PFKP: variants seen among roughly 807,000 people sequenced by gnomAD.
PFKP encodes the protein phosphofructokinase, platelet, also known as ATP-dependent 6-phosphofructokinase, platelet type.
In PFKP, 101 loss-of-function variants were observed where a neutral mutation model predicts 94.3. That is an observed-to-expected ratio of 1.07 (90% confidence interval 0.91 to 1.26). PFKP has a LOEUF of 1.26. PFKP is among the 50% of genes most tolerant of loss of function. The pLI, the probability that PFKP is intolerant of heterozygous loss-of-function variation, is 0.00. For synonymous variants in PFKP, 573 were observed against 432.6 expected, an observed-to-expected ratio of 1.32 and a Z score of -4.03; for missense variants, 1,145 against 1,103.3, an observed-to-expected ratio of 1.04 and a Z score of -0.53.
intron 1 of PFKP, among the ~76,000 whole-genome samples, chr10:3,079,241 C>CT (rs71383139): frequency 0.54 from 81,556 of 150,398 alleles, 22,325 homozygotes; most frequent in Middle Eastern, 0.72. Context: ...TCATGTCCAG[C>CT]TTTTTTTTTC....
intron 1 of PFKP, among the ~76,000 whole-genome samples, chr10:3,081,464 G>C (rs757640800): frequency 6.6e-6 from 1 of 152,242 alleles, no homozygotes; most frequent in Non-Finnish European, 1.5e-5. Context: ...GAGGAAGCTT[G>C]GTGCTCTCAG....
intron 2 of PFKP, 75 bp from the exon 3 acceptor site, chr10:3,099,200 T>G (rs1029168241): frequency 1.5e-5 from 18 of 1,187,224 alleles, no homozygotes; most frequent in South Asian, 3.7e-5. Flanking sequence ...TTTTCCCGTT[T>G]TATATAATTT....
chr10:3,131,370 G>A (rs540880872), intron 17 of PFKP, among the ~76,000 whole-genome samples: 3 of 152,308 alleles, frequency 2.0e-5, no homozygotes, highest in African/African-American at 7.2e-5. Context: ...CATGACTCAT[G>A]ACCGTATTTC....
At position 3,101,505 on chromosome 10, in the gene PFKP, C is replaced by T. The variant is rs748627866; in HGVS notation, c.405C>T (p.Asn135=). 3 of 1,593,464 alleles carry T rather than the reference C, an allele frequency of 1.9e-6. No homozygotes were observed. Among genetic ancestry groups the T allele is most frequent in the Non-Finnish European group, 8.6e-7 (1 of 1,169,096 alleles). Reference sequence around the variant, plus strand: ...GGGACGGGAGCCTCACCGGGGCCAACCTCTTCCGGAAGGAGTGGAGTGGGC... The same window carrying T: ...GGGACGGGAGCCTCACCGGGGCCAATCTCTTCCGGAAGGAGTGGAGTGGGC... ...IGGDGSLTGA[N]LFRKEWSGLL... is the part of the protein sequence containing the mutation. Residue 135 remains asparagine, a synonymous_variant, in exon 4 of 22, where the codon AAC becomes AAT. Transcript: ENST00000381125.
At chr10:3,074,108 G>A (rs1372007421) in intron 1 of PFKP, among the ~76,000 whole-genome samples, 1 of 152,082 alleles carries the variant, frequency 6.6e-6, no homozygotes, top group Admixed American at 6.5e-5. Flanking sequence ...CCAAAGTGCT[G>A]GTATTACAGG....
intron 2 of PFKP, among the ~76,000 whole-genome samples, chr10:3,083,700 T>C (rs1833262543): frequency 6.6e-6 from 1 of 152,198 alleles, no homozygotes; most frequent in Non-Finnish European, 1.5e-5. Flanking sequence ...TTGAGTGCAA[T>C]GGCTTGATTT....
chr10:3,108,295 T>A (rs189966206), intron 8 of PFKP, among the ~76,000 whole-genome samples: 3 of 152,226 alleles, frequency 2.0e-5, no homozygotes, highest in Non-Finnish European at 4.4e-5. Flanking sequence ...AACGCCTTGA[T>A]TGGGCTGGCT....
chr10:3,100,268 A>T (rs1374877849), intron 3 of PFKP, among the ~76,000 whole-genome samples: 1 of 151,610 alleles, frequency 6.6e-6, no homozygotes, highest in African/African-American at 2.4e-5. Context: ...GAGTCCAGAG[A>T]GCACCCCTGC....
intron 8 of PFKP, chr10:3,107,677 C>T (rs770407423): frequency 1.2e-5 from 11 of 931,124 alleles, no homozygotes; most frequent in Non-Finnish European, 1.2e-5. Context: ...CTGTTTGCCA[C>T]AGTGGGAAAA....
intron 14 of PFKP, among the ~76,000 whole-genome samples, chr10:3,118,142 G>A (rs1044219325): frequency 1.3e-5 from 2 of 152,126 alleles, no homozygotes; most frequent in Admixed American, 1.3e-4. Context: ...AGTGGATAAT[G>A]CATATGTAAG....
At chr10:3,112,131 G>A in intron 10 of PFKP, 91 bp from the exon 11 acceptor site, 6 of 1,043,268 alleles carry the variant, frequency 5.8e-6, no homozygotes, top group Non-Finnish European at 9.0e-6. Context: ...GAGGGGGCTG[G>A]TGGGAAGGAC....
At chr10:3,106,398 C>T (rs1263676092) in intron 7 of PFKP, among the ~76,000 whole-genome samples, 1 of 131,356 alleles carries the variant, frequency 7.6e-6, no homozygotes, top group Non-Finnish European at 1.6e-5. Flanking sequence ...CCATGGGAGG[C>T]AGAAAGCATG....
chr10:3,067,758 G>C (rs1258070599), intron 1 of PFKP, 51 bp downstream of exon 1: 1 of 1,022,758 alleles, frequency 9.8e-7, no homozygotes, highest in Non-Finnish European at 1.4e-6. Context: ...ACGGAGCTGG[G>C]GAGAACCGGG....
At chr10:3,091,151 G>C (rs1000338956) in intron 2 of PFKP, among the ~76,000 whole-genome samples, 1 of 152,018 alleles carries the variant, frequency 6.6e-6, no homozygotes, top group Non-Finnish European at 1.5e-5. Context: ...AGGGAGACTC[G>C]GGGAGGGTTT....
chr10:3,079,738 T>C (rs189726800), intron 1 of PFKP, among the ~76,000 whole-genome samples: 1 of 147,464 alleles, frequency 6.8e-6, no homozygotes, highest in Admixed American at 6.9e-5. Context: ...ACCTGCTTCC[T>C]AGTGTTGGCA....
rs1317704720 is a variant in PFKP at position 3,115,321 on chromosome 10, TGTCCCACGGCGGAGGACAGGA to T, written c.1372-1454_1372-1434del. 3.6e-5 allele frequency among the ~76,000 whole-genome samples: 5 copies of T among 140,178 alleles called. 1 individual carries two copies. The highest frequency in any genetic ancestry group is 3.5e-4 in the Admixed American group (5 of 14,246). The allele number at this position is 140,178 out of a possible 152,430, so 92.0% of individuals were successfully genotyped here. ...CTGGGGATGCTGGGGTGAAAGTGTGTGTCCCACGGCGGAGGACAGGACTGGGGATGCTGGAGTGAAGGTGTG... is the reference window on the plus strand; with the variant it reads ...CTGGGGATGCTGGGGTGAAAGTGTGTCTGGGGATGCTGGAGTGAAGGTGTG... On this transcript the variant is annotated intron_variant, in intron 13 of 21. Coordinates refer to ENST00000381125, the MANE Select transcript of PFKP (RefSeq NM_002627.5).
chr10:3,093,638 CTTT>C (rs765547765), intron 2 of PFKP, among the ~76,000 whole-genome samples: 2,934 of 94,028 alleles, frequency 0.031, 36 homozygotes, highest in African/African-American at 0.077. Flanking sequence ...CAAGCATTAT[CTTT>C]TTTTTTTTTT....
At chr10:3,132,804 C>G (rs1207799974) in intron 18 of PFKP, among the ~76,000 whole-genome samples, 2 of 152,092 alleles carry the variant, frequency 1.3e-5, no homozygotes, top group Non-Finnish European at 2.9e-5. Flanking sequence ...CCTGTATACA[C>G]GAGGTTGCTT....
chr10:3,129,679 C>T (rs1322502550), intron 16 of PFKP, 140 bp from the exon 17 acceptor site: 4 of 878,310 alleles, frequency 4.6e-6, no homozygotes, highest in Non-Finnish European at 3.6e-6. Context: ...TGCTGCACAC[C>T]CTTCACCTCT....
Sources: allele counts gnomAD v4.1 joint callset (sites outside exome capture counted in the v4.1 genomes callset), GRCh38; gene constraint gnomAD v4.1.1; transcripts MANE v1.5; gene names NCBI Gene and HGNC (gene_info 2026-07-23, HGNC 2026-07-21).